Variants in GSTCD observed in about 807,000 individuals in gnomAD.
GSTCD encodes the protein glutathione S-transferase C-terminal domain containing.
GSTCD carries 44 observed loss-of-function variants against 68.3 expected under a neutral mutation model. The ratio of observed to expected loss-of-function variants is 0.64; its 90% confidence interval spans 0.51 to 0.83. The LOEUF (loss-of-function observed/expected upper bound fraction) is 0.83. Among genes scored for constraint, GSTCD ranks in the 40% least tolerant of loss-of-function variants. The probability of loss-of-function intolerance (pLI) is 0.00; values close to 1 mark genes in which losing one functional copy is unlikely to be tolerated. For synonymous variants in GSTCD, 273 were observed against 255.2 expected (o/e 1.07, Z -0.67); for missense variants, 739 against 735.9 (o/e 1.00, Z -0.05).
At chr4:105,739,426 A>T (rs2031833236) in intron 5 of GSTCD, among the ~76,000 whole-genome samples, 1 of 152,214 alleles carries the variant, frequency 6.6e-6, no homozygotes, top group Non-Finnish European at 1.5e-5. Flanking sequence ...GAGTTTGAGA[A>T]GAACTGGTAT....
chr4:105,834,952 A>G (rs192017114), intron 9 of GSTCD, among the ~76,000 whole-genome samples: 2 of 152,334 alleles, frequency 1.3e-5, no homozygotes, highest in East Asian at 1.9e-4. Context: ...ACCTGGAAGT[A>G]TAGTGCCTGG....
chr4:105,807,010 G>C (rs1278644780), intron 5 of GSTCD, among the ~76,000 whole-genome samples: 2 of 151,860 alleles, frequency 1.3e-5, no homozygotes, highest in Non-Finnish European at 2.9e-5. Flanking sequence ...CGCCATTTAC[G>C]TGCTCCCCTT....
intron 1 of GSTCD, among the ~76,000 whole-genome samples, chr4:105,712,991 C>G (rs1363127759): frequency 1.3e-5 from 2 of 152,056 alleles, no homozygotes; most frequent in Non-Finnish European, 2.9e-5. Flanking sequence ...CAGAACAGTG[C>G]TGTCATATTG....
At chr4:105,810,834 A>T (rs1347234673) in intron 5 of GSTCD, among the ~76,000 whole-genome samples, 1 of 152,164 alleles carries the variant, frequency 6.6e-6, no homozygotes, top group East Asian at 1.9e-4. Flanking sequence ...CAAGTAGCAT[A>T]TAACTGAGTT....
chr4:105,799,499 TTC>T (rs1337346388), intron 5 of GSTCD, among the ~76,000 whole-genome samples: 1 of 152,150 alleles, frequency 6.6e-6, no homozygotes, highest in East Asian at 1.9e-4. Flanking sequence ...ATTGGCCTAA[TTC>T]CAGTATTTTT....
rs115073027 is a variant in GSTCD at position 105,825,421 on chromosome 4, C to A, written c.1402-251C>A. Among the ~76,000 whole-genome samples, 60 of 152,284 alleles carry A rather than the reference C, an allele frequency of 3.9e-4. 1 individual carries two copies. The East Asian group carries it at 0.011, about 28-fold the overall frequency. ...TTGGGATTACAGGCGTGAGCCACCACGCCCGGCCCACGCTGTATTATTATT... is the reference window on the plus strand; with the variant it reads ...TTGGGATTACAGGCGTGAGCCACCAAGCCCGGCCCACGCTGTATTATTATT... On this transcript the variant is annotated intron_variant, in intron 7 of 11. Transcript: ENST00000515279.
chr4:105,799,155 A>G (rs1304677669), intron 5 of GSTCD, among the ~76,000 whole-genome samples: 1 of 152,146 alleles, frequency 6.6e-6, no homozygotes, highest in Non-Finnish European at 1.5e-5. Flanking sequence ...CTCTGTCAGC[A>G]TTTATAGAAT....
chr4:105,830,941 C>T (rs960024119), intron 8 of GSTCD, among the ~76,000 whole-genome samples: 1 of 152,082 alleles, frequency 6.6e-6, no homozygotes, highest in Non-Finnish European at 1.5e-5. Context: ...TAAATAATGT[C>T]TAATATTTAC....
At chr4:105,786,163 C>T (rs1200412066) in intron 5 of GSTCD, among the ~76,000 whole-genome samples, 1 of 152,158 alleles carries the variant, frequency 6.6e-6, no homozygotes, top group Non-Finnish European at 1.5e-5. Context: ...AAGAATGACA[C>T]TAAAAATACA....
chr4:105,734,680 C>T (rs556246925), intron 5 of GSTCD, among the ~76,000 whole-genome samples: 4 of 152,366 alleles, frequency 2.6e-5, no homozygotes, highest in Middle Eastern at 3.4e-3. Flanking sequence ...TCTTTCAACT[C>T]GTCAAAGTCA....
chr4:105,711,489 C>T (rs190629256), intron 1 of GSTCD, among the ~76,000 whole-genome samples: 4 of 152,204 alleles, frequency 2.6e-5, no homozygotes, highest in Non-Finnish European at 5.9e-5. Flanking sequence ...AAAATATAAA[C>T]CATAATTTGG....
intron 5 of GSTCD, among the ~76,000 whole-genome samples, chr4:105,741,462 G>A (rs1234406950): frequency 6.6e-6 from 1 of 152,060 alleles, no homozygotes; most frequent in African/African-American, 2.4e-5. Flanking sequence ...TTTTGAAGAA[G>A]CTAAACTTAG....
At chr4:105,753,135 A>C (rs1399993063) in intron 5 of GSTCD, 2 of 152,104 alleles carry the variant, frequency 1.3e-5, no homozygotes, top group Non-Finnish European at 2.9e-5. Context: ...ACCATAATAA[A>C]AGGCTGTGAT....
At chr4:105,790,643 C>G (rs1297192834) in intron 5 of GSTCD, among the ~76,000 whole-genome samples, 2 of 151,668 alleles carry the variant, frequency 1.3e-5, no homozygotes, top group Non-Finnish European at 2.9e-5. Flanking sequence ...CCTGTCTTCC[C>G]ACAAAAAAGA....
At chr4:105,763,637 T>C (rs1734496532) in intron 5 of GSTCD, among the ~76,000 whole-genome samples, 1 of 152,206 alleles carries the variant, frequency 6.6e-6, no homozygotes, top group South Asian at 2.1e-4. Flanking sequence ...CTATATCATG[T>C]ATCTTATTTT....
At chr4:105,820,963 C>T (rs1012477936) in intron 5 of GSTCD, 1 of 151,706 alleles carries the variant, frequency 6.6e-6, no homozygotes, top group Admixed American at 6.6e-5. Context: ...CAAAAACATT[C>T]CTTTTAACTT....
chr4:105,801,564 G>T (rs1736105283), intron 5 of GSTCD, among the ~76,000 whole-genome samples: 1 of 151,932 alleles, frequency 6.6e-6, no homozygotes, highest in Non-Finnish European at 1.5e-5. Flanking sequence ...TTAATTTGAT[G>T]AAATCAAATT....
At chr4:105,735,895 T>C (rs1725863061) in intron 5 of GSTCD, among the ~76,000 whole-genome samples, 1 of 152,172 alleles carries the variant, frequency 6.6e-6, no homozygotes, top group African/African-American at 2.4e-5. Flanking sequence ...ATTTTAAAAA[T>C]ATCGATATCT....
chr4:105,743,287 T>G (rs1486076646), intron 5 of GSTCD, among the ~76,000 whole-genome samples: 1 of 152,154 alleles, frequency 6.6e-6, no homozygotes, highest in Non-Finnish European at 1.5e-5. Context: ...ACTTGTATTA[T>G]GCTTCTGATA....
Sources: allele counts gnomAD v4.1 joint callset (sites outside exome capture counted in the v4.1 genomes callset), GRCh38; gene constraint gnomAD v4.1.1; transcripts MANE v1.5; gene names NCBI Gene and HGNC (gene_info 2026-07-23, HGNC 2026-07-21).